Variants in FGF12 observed in about 807,000 individuals in gnomAD.
The protein encoded by FGF12 is fibroblast growth factor 12.
FGF12 carries 14 observed loss-of-function variants against 23.6 expected under a neutral mutation model. The observed-to-expected ratio is 0.59, with a 90% CI of 0.39 to 0.93. The LOEUF (loss-of-function observed/expected upper bound fraction) is 0.93, where lower values mean the gene tolerates loss of function less well. Among genes scored for constraint, FGF12 ranks in the 40% least tolerant of loss-of-function variants. The probability of loss-of-function intolerance (pLI) is 0.00; values close to 1 mark genes in which losing one functional copy is unlikely to be tolerated. For missense variants in FGF12, 175 were observed against 217.8 expected (o/e 0.80, Z 1.24); for synonymous variants, 62 against 77.3 (o/e 0.80, Z 1.04).
intron 2 of FGF12, among the ~76,000 whole-genome samples, chr3:192,542,034 T>C (rs991700721): frequency 2.5e-4 from 38 of 151,818 alleles, no homozygotes; most frequent in Non-Finnish European, 4.7e-4. Flanking sequence ...TGGCATTTTT[T>C]TTTTTTTTTT....
intron 2 of FGF12, among the ~76,000 whole-genome samples, chr3:192,455,775 C>T (rs1722661883): frequency 6.6e-6 from 1 of 152,152 alleles, no homozygotes; most frequent in South Asian, 2.1e-4. Flanking sequence ...AGATTTTCTG[C>T]AGAATATTAG....
intron 2 of FGF12, among the ~76,000 whole-genome samples, chr3:192,512,859 T>TATATATAAAA (rs376386122): frequency 8.7e-5 from 5 of 57,434 alleles, no homozygotes; most frequent in South Asian, 6.4e-4. Context: ...TATATATATA[T>TATATATAAAA]AACAGGCTAT....
chr3:192,296,062 C>T lies in FGF12; in HGVS notation c.228+39299G>A, dbSNP rs867531334. 3.5e-3 allele frequency among the ~76,000 whole-genome samples: 277 copies of T among 78,122 alleles called. 1 individual carries two copies. Among genetic ancestry groups the T allele is most frequent in the African/African-American group, 0.013 (264 of 20,586 alleles). 51.3% of individuals were successfully genotyped at this position (78,122 alleles called of 152,430 possible). A position where few individuals can be genotyped will look rare whatever the true frequency, so the allele number is the denominator to read the frequency against. On this transcript the variant is annotated intron_variant, in intron 4 of 5. Coordinates refer to ENST00000445105, the MANE Select transcript of FGF12 (RefSeq NM_004113.6). ...ATGCTGACTAACTTTGTTTTTCTTT[C>T]TTTTTTTTTTTTTTTTTTTTTTTTG...
At chr3:192,691,806 G>T (rs1053184241) in intron 2 of FGF12, among the ~76,000 whole-genome samples, 1 of 148,358 alleles carries the variant, frequency 6.7e-6, no homozygotes, top group Non-Finnish European at 1.5e-5. Context: ...TTTAAAAAAA[G>T]ACACGAGATA....
chr3:192,375,479 T>A (rs1368619817), intron 2 of FGF12, among the ~76,000 whole-genome samples: 1 of 152,210 alleles, frequency 6.6e-6, no homozygotes, highest in African/African-American at 2.4e-5. Flanking sequence ...TAACTGTTAA[T>A]TACTAAGCTT....
At chr3:192,372,312 G>A (rs1030401315) in intron 2 of FGF12, among the ~76,000 whole-genome samples, 2 of 151,960 alleles carry the variant, frequency 1.3e-5, no homozygotes, top group African/African-American at 4.8e-5. Flanking sequence ...ATTCCCTCAT[G>A]CAGCCCAAAT....
intron 2 of FGF12, among the ~76,000 whole-genome samples, chr3:192,522,197 C>CAA (rs369925460): frequency 7.1e-6 from 1 of 140,900 alleles, no homozygotes. Context: ...GACTCCGTCT[C>CAA]AAAAAAAAAA....
intron 2 of FGF12, among the ~76,000 whole-genome samples, chr3:192,631,797 A>G (rs1392900764): frequency 6.6e-6 from 1 of 152,242 alleles, no homozygotes; most frequent in East Asian, 1.9e-4. Flanking sequence ...GTGATATACT[A>G]TAAACCTAGA....
intron 3 of FGF12, among the ~76,000 whole-genome samples, chr3:192,348,659 C>T (rs1200293074): frequency 6.6e-6 from 1 of 152,012 alleles, no homozygotes; most frequent in Non-Finnish European, 1.5e-5. Context: ...GTTTATTATA[C>T]ACTGGGAAAT....
At chr3:192,709,792 C>T (rs750062002) in intron 2 of FGF12, among the ~76,000 whole-genome samples, 12 of 152,180 alleles carry the variant, frequency 7.9e-5, no homozygotes, top group Non-Finnish European at 1.6e-4. Context: ...ACTTCCACCC[C>T]CTAGAGCCTC....
At chr3:192,718,172 T>A (rs1718923167) in intron 2 of FGF12, among the ~76,000 whole-genome samples, 1 of 147,148 alleles carries the variant, frequency 6.8e-6, no homozygotes, top group South Asian at 2.1e-4. Context: ...TTTTTTTTTT[T>A]TTTTTTTTTT....
chr3:192,703,566 A>G (rs1718372978), intron 2 of FGF12, among the ~76,000 whole-genome samples: 1 of 152,222 alleles, frequency 6.6e-6, no homozygotes, highest in Non-Finnish European at 1.5e-5. Context: ...AAAGTTTTTT[A>G]TAGAATATGA....
chr3:192,587,146 T>C (rs1357102238), intron 2 of FGF12, among the ~76,000 whole-genome samples: 1 of 148,048 alleles, frequency 6.8e-6, no homozygotes, highest in Non-Finnish European at 1.5e-5. Context: ...TGCTCATAAC[T>C]GCTCCATCTA....
At chr3:192,684,632 G>T (rs1164735630) in intron 2 of FGF12, among the ~76,000 whole-genome samples, 1 of 152,102 alleles carries the variant, frequency 6.6e-6, no homozygotes, top group Non-Finnish European at 1.5e-5. Context: ...TATAAGAATA[G>T]CAGTCTCTCT....
rs1396299359 is a variant in FGF12 at position 192,141,127 on chromosome 3, C to CAAAAAAAAAAAAAAAAAAAAAAAAAAAA, written c.*2881_*2882insTTTTTTTTTTTTTTTTTTTTTTTTTTTT. The CAAAAAAAAAAAAAAAAAAAAAAAAAAAA allele has an allele frequency of 2.7e-4, 6 of 21,830 alleles. 1 individual carries two copies. The highest frequency in any genetic ancestry group is 3.8e-4 in the Non-Finnish European group (5 of 13,038). 1.4% of individuals were successfully genotyped at this position (21,830 alleles called of 1,614,324 possible). On this transcript the variant is annotated 3_prime_UTR_variant, in exon 6 of 6. Transcript: ENST00000445105. Reference sequence around the variant, plus strand: ...TCCTGGGAAAAATCCCAATGCAACTCCAAAAAAAAAAAAAAAAAAAAAAAA... The same window carrying CAAAAAAAAAAAAAAAAAAAAAAAAAAAA: ...TCCTGGGAAAAATCCCAATGCAACTCAAAAAAAAAAAAAAAAAAAAAAAAAAAACAAAAAAAAAAAAAAAAAAAAAAAA...
At chr3:192,421,799 C>T (rs545402565) in intron 2 of FGF12, among the ~76,000 whole-genome samples, 16 of 150,114 alleles carry the variant, frequency 1.1e-4, no homozygotes, top group Non-Finnish European at 1.8e-4. Flanking sequence ...TGCACATGTA[C>T]CCCAGAACTT....
chr3:192,580,513 T>C (rs1035887209), intron 2 of FGF12, among the ~76,000 whole-genome samples: 5 of 152,196 alleles, frequency 3.3e-5, no homozygotes, highest in African/African-American at 1.2e-4. Flanking sequence ...TAGCTCCACA[T>C]AGTTTATGTC....
chr3:192,498,441 T>G (rs1046130958), intron 2 of FGF12, among the ~76,000 whole-genome samples: 1 of 152,226 alleles, frequency 6.6e-6, no homozygotes, highest in Non-Finnish European at 1.5e-5. Flanking sequence ...CACCTAAAAG[T>G]AGTTCAACTG....
At chr3:192,540,630 T>A (rs1387448868) in intron 2 of FGF12, among the ~76,000 whole-genome samples, 1 of 152,222 alleles carries the variant, frequency 6.6e-6, no homozygotes, top group East Asian at 1.9e-4. Context: ...GATAAAATGT[T>A]CTGTAAATAT....
Sources: gnomAD v4.1 joint callset for allele counts (sites outside exome capture counted in the v4.1 genomes callset) on GRCh38, gnomAD v4.1.1 for gene constraint, MANE v1.5 for transcripts, NCBI Gene and HGNC (gene_info 2026-07-23, HGNC 2026-07-21) for gene names.